The following SARS1 variants were observed in gnomAD, a reference collection of about 807,000 sequenced individuals.
SARS1 encodes the protein serine--tRNA ligase, cytoplasmic.
Under a neutral mutation model 63.7 loss-of-function variants are expected in SARS1, and 25 were observed. That is an observed-to-expected ratio of 0.39 (90% CI 0.29 to 0.55). The LOEUF is 0.55. SARS1 is among the 20% of genes least tolerant of loss of function. The pLI is 0.62. For synonymous variants in SARS1, 231 were observed against 243.5 expected, an observed-to-expected ratio of 0.95 and a Z score of 0.48; for missense variants, 417 against 649.7, an observed-to-expected ratio of 0.64 and a Z score of 3.89.
chr1:109,231,721 T>A lies in SARS1; in HGVS notation c.682T>A (p.Phe228Ile). ...CTACATTCCCATTTATACCCCCTTT[T>A]TCATGAGGAAGGAGGTCATGCAGGA... ...RGYIPIYTPF[F>I]MRKEVMQEVA... Residue 228 changes from phenylalanine (F) to isoleucine (I), a missense_variant, in exon 6 of 11, where the codon TTC (phenylalanine) becomes ATC (isoleucine). Around this residue, in one of 3 missense-constraint regions of SARS1, gnomAD observed 359 missense variants for 529.6 expected, o/e 0.68. Transcript: ENST00000234677. 1.2e-6 allele frequency: 2 copies of A among 1,600,106 alleles called. No individual in the cohort carries two copies. The highest frequency in any genetic ancestry group is 1.7e-6 in the Non-Finnish European group (2 of 1,173,970).
In SARS1 at chr1:109,214,275, G is replaced by C. The variant is rs866833508; in HGVS notation, c.136+147G>C. 6 of 1,029,128 alleles carry C rather than the reference G, an allele frequency of 5.8e-6. No homozygotes were observed. Among genetic ancestry groups the C allele is most frequent in the Non-Finnish European group, 6.9e-6 (5 of 721,724 alleles). The allele number at this position is 1,029,128 out of a possible 1,614,324, so 63.7% of individuals were successfully genotyped here. On this transcript the variant is annotated intron_variant, in intron 1 of 10. Coordinates refer to ENST00000234677, the MANE Select transcript of SARS1 (RefSeq NM_006513.4). This position sits in a 1 kb window ranked among gnomAD's most constrained non-coding sequence, Gnocchi z 4.6. Reference sequence around the variant, plus strand: ...TGGCTCCGAGGTTCTCCCCATCCCCGAAAACACAGCCTGGTCGCCGGGGTC... The same window carrying C: ...TGGCTCCGAGGTTCTCCCCATCCCCCAAAACACAGCCTGGTCGCCGGGGTC...
At chr1:109,221,761 T>C (rs1654932754) in intron 1 of SARS1, among the ~76,000 whole-genome samples, 1 of 151,948 alleles carries the variant, frequency 6.6e-6, no homozygotes, top group South Asian at 2.1e-4. Context: ...ACTATATTCA[T>C]TGATTGAAAC....
chr1:109,216,346 C>G (rs1313288838), intron 1 of SARS1: 1 of 985,270 alleles, frequency 1.0e-6, no homozygotes, highest in Admixed American at 6.1e-5. Context: ...CACTAGGGTT[C>G]CTTTGGAGAA....
rs1056404259 is a variant in SARS1 at position 109,214,486 on chromosome 1, TC to T, written c.136+365del. 4 of 1,000,634 alleles carry T rather than the reference TC, an allele frequency of 4.0e-6. No individual in the cohort carries two copies. Among genetic ancestry groups the T allele is most frequent in the Middle Eastern group, 4.7e-4 (1 of 2,128 alleles). 62.0% of individuals were successfully genotyped at this position (1,000,634 alleles called of 1,614,324 possible). A position where few individuals can be genotyped will look rare whatever the true frequency, so the allele number is the denominator to read the frequency against. ...CGGCTTTCCTAACACGAATCTTTGG[TC>T]CCCCCCAGTCTTTTTCTCATCTTCA... On this transcript the variant is annotated intron_variant, in intron 1 of 10. Coordinates refer to ENST00000234677, the MANE Select transcript of SARS1 (RefSeq NM_006513.4). This position sits in a 1 kb window ranked among gnomAD's most constrained non-coding sequence, Gnocchi z 4.6.
intron 1 of SARS1, among the ~76,000 whole-genome samples, chr1:109,221,755 TA>T (rs1366516111): frequency 1.3e-5 from 2 of 151,908 alleles, no homozygotes; most frequent in African/African-American, 4.8e-5. Context: ...GGATATACTA[TA>T]TTCATTGATT....
At position 109,235,021 on chromosome 1, in the gene SARS1, T is replaced by G. The variant is rs139270226; in HGVS notation, c.748-189T>G. 1.3e-5 allele frequency among the ~76,000 whole-genome samples: 2 copies of G among 152,346 alleles called. No homozygotes were observed. The highest frequency in any genetic ancestry group is 3.9e-4 in the East Asian group (2 of 5,186). ...TCTTTCCTCTTAATTTACATTTCTT[T>G]GATCTCTGTCAGGGACCCCATTTTG... is the stretch of plus-strand genomic sequence containing the variant. On this transcript the variant is annotated intron_variant, in intron 6 of 10. Transcript: ENST00000234677. The surrounding 1 kb of genome is among the most constrained non-coding windows in gnomAD (Gnocchi z 4.7).
At chr1:109,226,677 A>AATATATATATATATAT (rs1553177726) in intron 2 of SARS1, among the ~76,000 whole-genome samples, 1 of 44,956 alleles carries the variant, frequency 2.2e-5, no homozygotes, top group African/African-American at 8.3e-5. Context: ...AAAAAAAAAA[A>AATATATATATATATAT]ATATATATAT....
intron 1 of SARS1, among the ~76,000 whole-genome samples, chr1:109,217,789 G>T (rs1221080230): frequency 2.0e-5 from 3 of 151,918 alleles, no homozygotes; most frequent in Non-Finnish European, 4.4e-5. Context: ...CGAATTCCTG[G>T]ACTCAAGTGA....
intron 2 of SARS1, among the ~76,000 whole-genome samples, chr1:109,226,685 T>TATATAC (rs1557716893): frequency 6.3e-5 from 3 of 47,590 alleles, no homozygotes; most frequent in Non-Finnish European, 1.4e-4. Context: ...AAAATATATA[T>TATATAC]ATATATATAT....
intron 1 of SARS1, among the ~76,000 whole-genome samples, chr1:109,222,778 G>T (rs1357259521): frequency 2.0e-5 from 3 of 152,188 alleles, no homozygotes; most frequent in Non-Finnish European, 4.4e-5. Context: ...GGGAGGCCAA[G>T]ATGGGTGGAT....
chr1:109,213,966 C>CT lies in SARS1; in HGVS notation c.-26dup. The stretch of plus-strand genomic sequence containing the variant: ...GTGCTGCGGCGCGATCCTTGCTTCC[C>CT]TGAGCGTTGGCCCGGGAGGAAAGAA... On this transcript the variant is annotated 5_prime_UTR_variant, in exon 1 of 11. Coordinates refer to ENST00000234677, the MANE Select transcript of SARS1 (RefSeq NM_006513.4). 6.3e-7 allele frequency: 1 copy of CT among 1,598,564 alleles called. No individual in the cohort carries two copies. Among genetic ancestry groups the CT allele is most frequent in the Admixed American group, 1.7e-5 (1 of 58,524 alleles).
intron 1 of SARS1, among the ~76,000 whole-genome samples, chr1:109,223,682 T>G (rs1485138619): frequency 6.6e-6 from 1 of 152,152 alleles, no homozygotes; most frequent in Non-Finnish European, 1.5e-5. Flanking sequence ...CGGGCACCTA[T>G]AATCCCAGCT....
intron 1 of SARS1, chr1:109,216,306 A>G (rs1654783985): frequency 1.0e-6 from 1 of 985,202 alleles, no homozygotes; most frequent in South Asian, 4.7e-5. Context: ...CAACTATACC[A>G]ATTTGTCTTC....
At position 109,236,459 on chromosome 1, in the gene SARS1, C is replaced by T. The variant is rs750961565; in HGVS notation, c.1168C>T (p.Arg390Cys). ...EAWFPGSGAFRELVSCSNCTD... is the reference protein window; with the variant it reads ...EAWFPGSGAFCELVSCSNCTD... ...CTGGTTTCCGGGCTCAGGAGCCTTC[C>T]GTGAGTTGGTCTCCTGTTCTAATTG... is the stretch of plus-strand genomic sequence containing the variant. Residue 390 changes from arginine (R) to cysteine (C), a missense_variant, in exon 9 of 11, where the codon CGT (arginine) becomes TGT (cysteine). Arg to Cys is a radical substitution (Grantham distance 180, BLOSUM62 -3). This residue lies in a region of SARS1 where 359 missense variants were observed against 529.6 expected (regional missense o/e 0.68). Coordinates refer to ENST00000234677, the MANE Select transcript of SARS1 (RefSeq NM_006513.4). 5.6e-6 allele frequency: 9 copies of T among 1,606,040 alleles called. No individual in the cohort carries two copies. The East Asian group carries it at 6.7e-5, about 12-fold the overall frequency.
chr1:109,214,204 G>C lies in SARS1; in HGVS notation c.136+76G>C, dbSNP rs1654732323. On this transcript the variant is annotated intron_variant, in intron 1 of 10. Coordinates refer to ENST00000234677, the MANE Select transcript of SARS1 (RefSeq NM_006513.4). The surrounding 1 kb of genome is among the most constrained non-coding windows in gnomAD (Gnocchi z 4.6). ...TCTCTCAAATCCAGCCACCGCTCCT[G>C]AGGCCACAGCTTCCACCCTTCGTCA... is the stretch of plus-strand genomic sequence containing the variant. 4.6e-6 allele frequency: 7 copies of C among 1,528,126 alleles called. No individual in the cohort carries two copies. The Admixed American group carries it at 1.3e-4, about 28-fold the overall frequency. 94.7% of individuals were successfully genotyped at this position (1,528,126 alleles called of 1,614,324 possible). A position where few individuals can be genotyped will look rare whatever the true frequency, so the allele number is the denominator to read the frequency against.
intron 4 of SARS1, among the ~76,000 whole-genome samples, chr1:109,229,817 C>T (rs567734866): frequency 9.2e-5 from 14 of 152,278 alleles, no homozygotes; most frequent in East Asian, 1.9e-4. Context: ...TGCTGTCCTC[C>T]GCTGCATGTT....
At position 109,235,253 on chromosome 1, in the gene SARS1, A is replaced by G; in HGVS notation, c.791A>G (p.Asp264Gly). 2 of 1,614,082 alleles carry G rather than the reference A, an allele frequency of 1.2e-6. No homozygotes were observed. Among genetic ancestry groups the G allele is most frequent in the Non-Finnish European group, 1.7e-6 (2 of 1,180,014 alleles). Residue 264 changes from aspartate (D) to glycine (G), a missense_variant, in exon 7 of 11, where the codon GAT becomes GGT. By Grantham distance (94) the Asp-to-Gly change is moderately conservative. Coordinates refer to ENST00000234677, the MANE Select transcript of SARS1 (RefSeq NM_006513.4). This position sits in a 1 kb window ranked among gnomAD's most constrained non-coding sequence, Gnocchi z 4.7. ...GAAAAGTCTGATGACAACTCCTATG[A>G]TGAGAAGTACCTGATTGCCACCTCA... Reference protein sequence around the residue: ...GSEKSDDNSYDEKYLIATSEQ... With the variant: ...GSEKSDDNSYGEKYLIATSEQ...
chr1:109,218,257 C>T (rs1465104913), intron 1 of SARS1, among the ~76,000 whole-genome samples: 6 of 144,550 alleles, frequency 4.2e-5, no homozygotes, highest in Non-Finnish European at 3.0e-5. Context: ...ATCCCAGCTA[C>T]TTGGGAGGCC....
rs1230556584 is a variant in SARS1 at position 109,218,851 on chromosome 1, C to A, written c.136+4723C>A. Reference sequence around the variant, plus strand: ...AATCTCTTACAGCATTTATACTATTCCTGTATATACCCTTCAAAAACTTAT... The same window carrying A: ...AATCTCTTACAGCATTTATACTATTACTGTATATACCCTTCAAAAACTTAT... On this transcript the variant is annotated intron_variant, in intron 1 of 10. Coordinates refer to ENST00000234677, the MANE Select transcript of SARS1 (RefSeq NM_006513.4). Among the ~76,000 whole-genome samples, 3 of 152,094 alleles carry A rather than the reference C, an allele frequency of 2.0e-5. No individual in the cohort carries two copies. The East Asian group carries it at 5.8e-4, about 29-fold the overall frequency.
Sources: gnomAD v4.1 joint callset for allele counts (sites outside exome capture counted in the v4.1 genomes callset) on GRCh38, gnomAD v4.1.1 for gene constraint, gnomAD v4.1.1 regional missense constraint, Gnocchi (gnomAD v3.1) non-coding constraint, MANE v1.5 for transcripts, NCBI Gene and HGNC (gene_info 2026-07-23, HGNC 2026-07-21) for gene names.